The following TOM1L1 variants were observed in gnomAD, a reference collection of about 807,000 sequenced individuals.
TOM1L1 encodes the protein TOM1-like protein 1.
A neutral mutation model predicts 63.4 loss-of-function variants in TOM1L1; 64 were observed. The ratio of observed to expected loss-of-function variants is 1.01; its 90% confidence interval spans 0.83 to 1.24. The LOEUF is 1.24. TOM1L1 is among the 50% of genes most tolerant of loss of function. The probability of loss-of-function intolerance (pLI) is 0.00; values close to 1 mark genes in which losing one functional copy is unlikely to be tolerated. For synonymous variants in TOM1L1, 166 were observed against 194.4 expected (o/e 0.85, Z 1.22); for missense variants, 536 against 567.0 (o/e 0.95, Z 0.55).
At chr17:54,956,684 A>C (rs1165549253) in intron 14 of TOM1L1, 2 of 152,044 alleles carry the variant, frequency 1.3e-5, no homozygotes, top group Non-Finnish European at 2.9e-5. Flanking sequence ...GGCTCAAGCA[A>C]TCCTCCTGCC....
Position 54,905,547 on chromosome 17 carries a change from GA to G in TOM1L1, c.205del (p.Ile69SerfsTer22), listed in dbSNP as rs767745063. 30 of 1,606,536 alleles carry G rather than the reference GA, an allele frequency of 1.9e-5. No homozygotes were observed. The highest frequency in any genetic ancestry group is 2.4e-5 in the Non-Finnish European group (28 of 1,174,110). ...GATTTCCAAAAACTACAATCATAAA[GA>G]AATCCAACTTACCTTGTCAGTAAGT... ...KRISKNYNHKEIQLTLSLIDM... is the reference protein window; with the variant it reads ...KRISKNYNHKXIQLTLSLIDM... On this transcript the variant is annotated frameshift_variant, in exon 3 of 16. Coordinates refer to ENST00000575882, the MANE Select transcript of TOM1L1 (RefSeq NM_005486.3). LOFTEE classifies it high-confidence loss of function.
At chr17:54,958,501 C>CA (rs2077011206) in intron 14 of TOM1L1, 1 of 152,214 alleles carries the variant, frequency 6.6e-6, no homozygotes, top group South Asian at 2.1e-4. Flanking sequence ...GAGGCCAAGG[C>CA]AGGCGGATCG....
At chr17:54,903,586 CTT>C in intron 1 of TOM1L1, 120 bp from the exon 2 acceptor site, 1 of 853,666 alleles carries the variant, frequency 1.2e-6, no homozygotes, top group African/African-American at 1.7e-5. Context: ...AAAAAAATCA[CTT>C]TGCCCTTTGG....
At chr17:54,904,563 G>C (rs944829977) in intron 2 of TOM1L1, among the ~76,000 whole-genome samples, 3 of 151,922 alleles carry the variant, frequency 2.0e-5, no homozygotes, top group Non-Finnish European at 2.9e-5. Context: ...TTTCCTCCCT[G>C]TCCCAGGACA....
At chr17:54,942,263 A>ATTT (rs5821080) in intron 11 of TOM1L1, 36,240 of 140,126 alleles carry the variant, frequency 0.26, 4,817 homozygotes, top group Non-Finnish European at 0.27. Context: ...CACCCATCTA[A>ATTT]TTTTTTTTTT....
At chr17:54,909,278 C>T (rs2048460133) in intron 3 of TOM1L1, among the ~76,000 whole-genome samples, 2 of 152,226 alleles carry the variant, frequency 1.3e-5, no homozygotes, top group South Asian at 4.2e-4. Flanking sequence ...CAAAGCAAAA[C>T]AAAACCATGT....
At chr17:54,937,279 A>G in intron 10 of TOM1L1, 53 bp downstream of exon 10, 1 of 1,347,692 alleles carries the variant, frequency 7.4e-7, no homozygotes, top group Non-Finnish European at 1.1e-6. Flanking sequence ...GATGTTAAAC[A>G]GTTCTCCTTA....
In TOM1L1 at chr17:54,937,113, C is replaced by T. The variant is rs1412841448; in HGVS notation, c.920C>T (p.Thr307Ile). The T allele has an allele frequency of 1.9e-6, 3 of 1,599,212 alleles. No individual in the cohort carries two copies. The highest frequency in any genetic ancestry group is 2.6e-6 in the Non-Finnish European group (3 of 1,169,058). Residue 307 changes from threonine to isoleucine, a missense_variant, in exon 10 of 16, where the codon ACC (threonine) becomes ATC (isoleucine). By Grantham distance (89) the Thr-to-Ile change is moderately conservative. Transcript: ENST00000575882. ...TTTTTTTTGCTTTGTTTTCAGACTA[C>T]CAGTGAGCCTTCTGCCCCATCTCAA... is the stretch of plus-strand genomic sequence containing the variant. ...NKNQKEATNT[T>I]SEPSAPSQDL...
intron 11 of TOM1L1, among the ~76,000 whole-genome samples, chr17:54,939,665 C>CT (rs1357497549): frequency 1.3e-5 from 2 of 152,276 alleles, no homozygotes; most frequent in Non-Finnish European, 2.9e-5. Context: ...CCAAGGGATA[C>CT]TCCCACCTCA....
At chr17:54,903,189 C>G (rs1350943942) in intron 1 of TOM1L1, among the ~76,000 whole-genome samples, 2 of 152,136 alleles carry the variant, frequency 1.3e-5, no homozygotes, top group Non-Finnish European at 2.9e-5. Flanking sequence ...CCTCCTGTCC[C>G]CCCAGAGAAT....
chr17:54,930,018 T>A lies in TOM1L1; in HGVS notation c.721-55T>A. ...TATGCGCAGATTGGTGAGTCAGATG[T>A]CTTTATAGAATGTTCCAAGTGTGGA... On this transcript the variant is annotated intron_variant, in intron 7 of 15. Transcript: ENST00000575882. The A allele has an allele frequency of 1.9e-6, 3 of 1,609,956 alleles. No individual in the cohort carries two copies. The Admixed American group carries it at 5.0e-5, about 27-fold the overall frequency.
chr17:54,933,518 G>A (rs781034294), intron 8 of TOM1L1, among the ~76,000 whole-genome samples: 3 of 152,104 alleles, frequency 2.0e-5, no homozygotes, highest in Non-Finnish European at 2.9e-5. Context: ...GGCACAGCTT[G>A]GTTTTTTGTT....
intron 6 of TOM1L1, among the ~76,000 whole-genome samples, chr17:54,914,981 C>T (rs1345375422): frequency 1.3e-5 from 2 of 152,156 alleles, no homozygotes; most frequent in African/African-American, 2.4e-5. Context: ...GCTTGCCTAG[C>T]GGCTTTCATG....
chr17:54,909,974 T>TA (rs1400340813), intron 3 of TOM1L1, among the ~76,000 whole-genome samples: 2 of 152,196 alleles, frequency 1.3e-5, no homozygotes, highest in Non-Finnish European at 2.9e-5. Flanking sequence ...GGTGACATAA[T>TA]AGAGGAGGTG....
At position 54,913,854 on chromosome 17, in the gene TOM1L1, C is replaced by CT. The variant is rs754668300; in HGVS notation, c.480dup (p.Glu161Ter). 1.7e-5 allele frequency: 28 copies of CT among 1,609,108 alleles called. No homozygotes were observed. In the South Asian group the frequency reaches 2.7e-4, roughly 16 times the overall value. On this transcript the variant is annotated frameshift_variant, in exon 5 of 16. Coordinates refer to ENST00000575882, the MANE Select transcript of TOM1L1 (RefSeq NM_005486.3). LOFTEE classifies it high-confidence loss of function. ...CAGTTTCCTCCCTCAGAAGCAGAGG[C>CT]TGAAACAGCAAGACAAGAGGTAGGA... is the stretch of plus-strand genomic sequence containing the variant.
chr17:54,927,812 T>C (rs1567829786), intron 7 of TOM1L1, among the ~76,000 whole-genome samples: 1 of 151,914 alleles, frequency 6.6e-6, no homozygotes, highest in Non-Finnish European at 1.5e-5. Context: ...AAGATGAGAG[T>C]GGGCTGGCTT....
chr17:54,924,142 C>T (rs1455798950), intron 7 of TOM1L1, among the ~76,000 whole-genome samples: 6 of 152,052 alleles, frequency 3.9e-5, no homozygotes, highest in South Asian at 2.1e-4. Flanking sequence ...CTTCTGTTTC[C>T]GTGGCACGTG....
chr17:54,918,595 A>G (rs2048630070), intron 7 of TOM1L1, among the ~76,000 whole-genome samples: 1 of 152,126 alleles, frequency 6.6e-6, no homozygotes, highest in South Asian at 2.1e-4. Flanking sequence ...ATATAAGCTG[A>G]GGGGCTACAT....
chr17:54,917,190 G>A (rs1382328591), intron 7 of TOM1L1: 3 of 151,996 alleles, frequency 2.0e-5, no homozygotes, highest in African/African-American at 7.2e-5. Context: ...CAACTTATGT[G>A]TATTTTTAAT....
Sources: allele counts gnomAD v4.1 joint callset (sites outside exome capture counted in the v4.1 genomes callset), GRCh38; gene constraint gnomAD v4.1.1; transcripts MANE v1.5; gene names NCBI Gene and HGNC (gene_info 2026-07-23, HGNC 2026-07-21).